RAB27A: variants seen among roughly 807,000 people sequenced by gnomAD.
RAB27A encodes ras-related protein Rab-27A.
RAB27A carries 17 observed loss-of-function variants against 20.8 expected under a neutral mutation model. That is an observed-to-expected ratio of 0.82 (90% CI 0.56 to 1.23). The LOEUF (loss-of-function observed/expected upper bound fraction) is 1.23. RAB27A is among the 50% of genes most tolerant of loss of function. The pLI, the probability that RAB27A is intolerant of heterozygous loss-of-function variation, is 0.00. For synonymous variants in RAB27A, 85 were observed against 92.8 expected (o/e 0.92, Z 0.48); for missense variants, 277 against 266.7 (o/e 1.04, Z -0.27).
At chr15:55,222,851 A>G (rs971323108) in intron 6 of RAB27A, among the ~76,000 whole-genome samples, 1 of 152,158 alleles carries the variant, frequency 6.6e-6, no homozygotes, top group Admixed American at 6.5e-5. Context: ...TAATGCTATT[A>G]AGGGTTTGAA....
intron 1 of RAB27A, among the ~76,000 whole-genome samples, chr15:55,280,413 T>C (rs1201928617): frequency 2.0e-5 from 3 of 151,598 alleles, no homozygotes; most frequent in South Asian, 4.2e-4. Context: ...AAATAAAACA[T>C]AGATTCCCAA....
At chr15:55,242,756 G>T (rs150327281) in intron 2 of RAB27A, among the ~76,000 whole-genome samples, 153 of 152,094 alleles carry the variant, frequency 1.0e-3, no homozygotes, top group African/African-American at 3.6e-3. Context: ...GGTGATTTTT[G>T]GTAATTTCAG....
intron 1 of RAB27A, chr15:55,317,543 G>T: frequency 2.7e-6 from 1 of 364,620 alleles, no homozygotes; most frequent in Non-Finnish European, 4.9e-6. Flanking sequence ...TTGAACTCCT[G>T]ACCACCTGAT....
upstream of RAB27A, among the ~76,000 whole-genome samples, chr15:55,294,389 AC>A (rs2054938455): frequency 6.6e-6 from 1 of 152,062 alleles, no homozygotes; most frequent in Admixed American, 6.6e-5. Flanking sequence ...GGAATTCCAG[AC>A]CCAACTGGGC....
chr15:55,289,534 G>T (rs1684423757), intron 1 of RAB27A, among the ~76,000 whole-genome samples, 182 bp downstream of exon 1: 1 of 152,172 alleles, frequency 6.6e-6, no homozygotes, highest in South Asian at 2.1e-4. Flanking sequence ...GTCATCACTG[G>T]GGTCTGCGCT....
chr15:55,273,984 A>G (rs1056582245), intron 1 of RAB27A, among the ~76,000 whole-genome samples: 1 of 152,200 alleles, frequency 6.6e-6, no homozygotes, highest in African/African-American at 2.4e-5. Context: ...TTCCGGATAG[A>G]ACATACAGTA....
chr15:55,205,676 T>G lies in RAB27A; in HGVS notation c.497A>C (p.Asn166Thr). 1 of 1,613,994 alleles carries G rather than the reference T, an allele frequency of 6.2e-7. No homozygotes were observed. The highest frequency in any genetic ancestry group is 1.1e-5 in the South Asian group (1 of 91,078). Residue 166 changes from asparagine (N) to threonine (T), a missense_variant, in exon 7 of 7, where the codon AAT becomes ACT. Transcript: ENST00000336787. ...AATTGCTTGGCTTATGTTTGTCCCA[T>G]TGGCAGCACTAGTTTCAAAGTAGGG... ...GIPYFETSAA[N>T]GTNISQAIEM...
At chr15:55,223,793 G>A in intron 6 of RAB27A, 96 bp downstream of exon 6, 1 of 1,461,168 alleles carries the variant, frequency 6.8e-7, no homozygotes, top group African/African-American at 1.4e-5. Flanking sequence ...CTGAGGTTTT[G>A]CTTTAATTGT....
At chr15:55,215,651 C>CAAAAAAAAAAAAAAAAAAA (rs562538229) in intron 6 of RAB27A, among the ~76,000 whole-genome samples, 1 of 76,574 alleles carries the variant, frequency 1.3e-5, no homozygotes. Flanking sequence ...GACTCCGTCT[C>CAAAAAAAAAAAAAAAAAAA]AAAAAAAAAA....
intron 6 of RAB27A, among the ~76,000 whole-genome samples, chr15:55,219,031 C>A (rs12441307): frequency 0.12 from 18,686 of 152,032 alleles, 1,438 homozygotes; most frequent in Admixed American, 0.2. Flanking sequence ...CATGAGCCAC[C>A]ATGCCCAGCT....
intron 2 of RAB27A, among the ~76,000 whole-genome samples, chr15:55,307,305 G>A (rs752399796): frequency 2.6e-5 from 4 of 151,998 alleles, no homozygotes; most frequent in East Asian, 1.9e-4. Flanking sequence ...AGGAAGGACC[G>A]TCCATACAGC....
intron 6 of RAB27A, among the ~76,000 whole-genome samples, chr15:55,222,612 C>T (rs1895624110): frequency 6.6e-6 from 1 of 152,188 alleles, no homozygotes; most frequent in Non-Finnish European, 1.5e-5. Context: ...CCTGGCCAAC[C>T]TATCCTCCCC....
intron 6 of RAB27A, among the ~76,000 whole-genome samples, chr15:55,216,439 G>A (rs112532900): frequency 3.3e-5 from 5 of 151,942 alleles, no homozygotes; most frequent in Non-Finnish European, 4.4e-5. Flanking sequence ...AGGCTGAGAC[G>A]GGAGATCTCT....
rs529473171 is a variant in RAB27A at position 55,270,385 on chromosome 15, A to G, written c.-142-101T>C. 3.3e-5 allele frequency: 5 copies of G among 152,312 alleles called. No homozygotes were observed. In the South Asian group the frequency reaches 1.0e-3, roughly 32 times the overall value. 9.4% of individuals were successfully genotyped at this position (152,312 alleles called of 1,614,324 possible). On this transcript the variant is annotated intron_variant, in intron 1 of 6. Transcript: ENST00000336787. ...AGCAGTTCGCTCCATCAACTTTCAA[A>G]ACAGGCATCGCTGTAAAAACCCACA...
chr15:55,302,904 G>T (rs2054979211), intron 2 of RAB27A, among the ~76,000 whole-genome samples: 1 of 140,136 alleles, frequency 7.1e-6, no homozygotes, highest in South Asian at 2.4e-4. Context: ...GAAGTGAGGA[G>T]CCTCTCCGCC....
intron 2 of RAB27A, among the ~76,000 whole-genome samples, chr15:55,304,339 G>C (rs998111713): frequency 2.0e-5 from 3 of 151,214 alleles, no homozygotes; most frequent in African/African-American, 7.3e-5. Flanking sequence ...AGGCCGCAGG[G>C]TCCTCTGCCT....
chr15:55,253,786 A>T (rs190319574), intron 2 of RAB27A, among the ~76,000 whole-genome samples: 1 of 152,176 alleles, frequency 6.6e-6, no homozygotes, highest in Admixed American at 6.5e-5. Flanking sequence ...AGATTTACTA[A>T]CACAGAAATA....
intron 6 of RAB27A, among the ~76,000 whole-genome samples, chr15:55,222,029 A>G (rs1895594376): frequency 6.6e-6 from 1 of 152,152 alleles, no homozygotes; most frequent in South Asian, 2.1e-4. Flanking sequence ...ACAACACCTT[A>G]CAGAGACTAC....
At chr15:55,317,943 A>C (rs965935637) in intron 1 of RAB27A, 3 of 380,854 alleles carry the variant, frequency 7.9e-6, no homozygotes, top group Non-Finnish European at 1.4e-5. Flanking sequence ...ACTACTTTGC[A>C]CTGGAGTGAA....
Sources: allele counts gnomAD v4.1 joint callset (sites outside exome capture counted in the v4.1 genomes callset), GRCh38; gene constraint gnomAD v4.1.1; transcripts MANE v1.5; gene names NCBI Gene and HGNC (gene_info 2026-07-23, HGNC 2026-07-21).